SPATA13: variants seen among roughly 807,000 people sequenced by gnomAD.
SPATA13 encodes spermatogenesis-associated protein 13.
In SPATA13, 50 loss-of-function variants were observed where a neutral mutation model predicts 104.0. That is an observed-to-expected ratio of 0.48 (90% CI 0.38 to 0.61). The LOEUF (loss-of-function observed/expected upper bound fraction) is 0.61. SPATA13 is among the 20% of genes least tolerant of loss of function. SPATA13 has a pLI of 0.00. For missense variants in SPATA13, 1,524 were observed against 1,690.6 expected (o/e 0.90, Z 1.73); for synonymous variants, 606 against 667.5 (o/e 0.91, Z 1.42).
At chr13:24,027,170 G>C (rs367860080) in intron 3 of SPATA13, among the ~76,000 whole-genome samples, 2 of 120,112 alleles carry the variant, frequency 1.7e-5, no homozygotes, top group African/African-American at 6.5e-5. Context: ...AGTCTAGCTC[G>C]GTCGTCCAGG....
At chr13:24,142,417 TCATG>T (rs1881790195) in intron 3 of SPATA13, among the ~76,000 whole-genome samples, 1 of 152,206 alleles carries the variant, frequency 6.6e-6, no homozygotes, top group South Asian at 2.1e-4. Context: ...TCTTTGTCTT[TCATG>T]ACCTTGACAC....
intron 3 of SPATA13, among the ~76,000 whole-genome samples, chr13:24,037,987 C>CT (rs1373244284): frequency 6.6e-6 from 1 of 152,120 alleles, no homozygotes; most frequent in African/African-American, 2.4e-5. Context: ...TCTTGGCTCA[C>CT]TGCAAGCTCT....
intron 2 of SPATA13, among the ~76,000 whole-genome samples, chr13:24,228,346 A>G (rs1872072278): frequency 6.6e-6 from 1 of 150,994 alleles, no homozygotes; most frequent in African/African-American, 2.4e-5. Flanking sequence ...CGATCTCCTG[A>G]CCTCGTGATC....
chr13:24,214,125 C>T (rs1423050086), intron 1 of SPATA13, among the ~76,000 whole-genome samples: 3 of 152,216 alleles, frequency 2.0e-5, no homozygotes, highest in African/African-American at 7.2e-5. Flanking sequence ...CTGGCCTTGA[C>T]CTTTGAGGCA....
intron 8 of SPATA13, among the ~76,000 whole-genome samples, chr13:24,289,443 T>C (rs1876180562): frequency 6.6e-6 from 1 of 152,242 alleles, no homozygotes; most frequent in South Asian, 2.1e-4. Flanking sequence ...TAATTACTTT[T>C]TAAAAATTTC....
At chr13:24,044,160 G>A (rs1456003920) in intron 3 of SPATA13, among the ~76,000 whole-genome samples, 2 of 152,130 alleles carry the variant, frequency 1.3e-5, no homozygotes, top group African/African-American at 4.8e-5. Context: ...TGTGCTGCAA[G>A]CCACACCACA....
chr13:24,296,040 A>G (rs1054430416), intron 10 of SPATA13, among the ~76,000 whole-genome samples: 12 of 152,330 alleles, frequency 7.9e-5, no homozygotes, highest in Admixed American at 7.2e-4. Flanking sequence ...ACCAAGCTAC[A>G]TTGATTTTAC....
intron 3 of SPATA13, among the ~76,000 whole-genome samples, chr13:24,021,629 C>G (rs1876974231): frequency 6.6e-6 from 1 of 152,208 alleles, no homozygotes; most frequent in Non-Finnish European, 1.5e-5. Context: ...CAAATGATCT[C>G]TTAATCTGTG....
intron 1 of SPATA13, among the ~76,000 whole-genome samples, chr13:23,982,348 A>C (rs1874941688): frequency 6.6e-6 from 1 of 152,148 alleles, no homozygotes; most frequent in East Asian, 1.9e-4. Context: ...TTTACTGTTA[A>C]AATTTTATTT....
At chr13:24,169,599 G>T (rs1882882297) in intron 1 of SPATA13, among the ~76,000 whole-genome samples, 1 of 152,144 alleles carries the variant, frequency 6.6e-6, no homozygotes, top group South Asian at 2.1e-4. Context: ...CCTTCCCGAG[G>T]TCATGTGGCT....
At chr13:24,236,088 G>C (rs920181684) in intron 2 of SPATA13, among the ~76,000 whole-genome samples, 1 of 152,186 alleles carries the variant, frequency 6.6e-6, no homozygotes, top group Non-Finnish European at 1.5e-5. Context: ...CGGGCCTGCA[G>C]CTGGGTTTCC....
chr13:24,290,652 C>A lies in SPATA13; in HGVS notation c.2848C>A (p.Gln950Lys), dbSNP rs777440197. ...ACGAAGCTGTACTTTTCCTTCCCAGCAAGAGGGCTTTGCCATCTATTCCGA... is the reference window on the plus strand; with the variant it reads ...ACGAAGCTGTACTTTTCCTTCCCAGAAAGAGGGCTTTGCCATCTATTCCGA... ...SEIGSCFLQN[Q>K]EGFAIYSEYC... The change falls in exon 9 of 13, where the codon CAA (glutamine) becomes AAA (lysine). Residue 950 changes from glutamine to lysine, a missense_variant and splice_region_variant. Transcript: ENST00000382108. 2 of 1,613,224 alleles carry A rather than the reference C, an allele frequency of 1.2e-6. No individual in the cohort carries two copies. The highest frequency in any genetic ancestry group is 1.7e-6 in the Non-Finnish European group (2 of 1,179,250).
chr13:24,089,819 G>A (rs1263544300), intron 3 of SPATA13, among the ~76,000 whole-genome samples: 1 of 152,198 alleles, frequency 6.6e-6, no homozygotes, highest in Non-Finnish European at 1.5e-5. Context: ...TCTCGAGATT[G>A]GAAGTCCAAG....
At chr13:24,044,496 G>A (rs1047612084) in intron 3 of SPATA13, among the ~76,000 whole-genome samples, 6 of 152,118 alleles carry the variant, frequency 3.9e-5, no homozygotes, top group Admixed American at 2.0e-4. Context: ...CTCCCAAAGT[G>A]TTGGGATTAC....
At chr13:24,165,311 C>A (rs945840811) in intron 1 of SPATA13, among the ~76,000 whole-genome samples, 2 of 152,166 alleles carry the variant, frequency 1.3e-5, no homozygotes, top group African/African-American at 4.8e-5. Context: ...CCCTGAAGAC[C>A]CACCAGCATC....
chr13:24,041,850 A>G (rs9551042), intron 3 of SPATA13, among the ~76,000 whole-genome samples: 144,352 of 152,248 alleles, frequency 0.95, 68,787 homozygotes, highest in Non-Finnish European at 1. Context: ...AAGGGCAGAG[A>G]AGACTTGGCC....
chr13:24,258,624 G>T (rs569008298), intron 4 of SPATA13, among the ~76,000 whole-genome samples: 3 of 151,504 alleles, frequency 2.0e-5, no homozygotes, highest in Non-Finnish European at 4.4e-5. Context: ...GGCCAAGATC[G>T]CACCACTGCA....
chr13:24,040,422 A>G (rs892494057), intron 3 of SPATA13, among the ~76,000 whole-genome samples: 1 of 152,218 alleles, frequency 6.6e-6, no homozygotes, highest in Admixed American at 6.5e-5. Flanking sequence ...ACAAGTAGTC[A>G]TTAGAGTATG....
chr13:24,013,167 G>C (rs563369032), intron 2 of SPATA13, among the ~76,000 whole-genome samples: 1 of 152,294 alleles, frequency 6.6e-6, no homozygotes, highest in East Asian at 1.9e-4. Context: ...CCACTGAAAC[G>C]GGCTTAGAGC....
Sources: gnomAD v4.1 joint callset for allele counts (sites outside exome capture counted in the v4.1 genomes callset) on GRCh38, gnomAD v4.1.1 for gene constraint, MANE v1.5 for transcripts, NCBI Gene and HGNC (gene_info 2026-07-23, HGNC 2026-07-21) for gene names.